The following OSBPL1A variants were observed in gnomAD, a reference collection of about 807,000 sequenced individuals.
OSBPL1A encodes oxysterol-binding protein-related protein 1.
A neutral mutation model predicts 137.1 loss-of-function variants in OSBPL1A; 80 were observed. The ratio of observed to expected loss-of-function variants is 0.58; its 90% CI spans 0.49 to 0.70. The LOEUF (loss-of-function observed/expected upper bound fraction) is 0.70. Ranked by LOEUF, OSBPL1A falls within the 30% of genes least tolerant of loss-of-function variation. The pLI is 0.00. For synonymous variants in OSBPL1A, 365 were observed against 389.7 expected, an observed-to-expected ratio of 0.94 and a Z score of 0.75; for missense variants, 970 against 1,129.4, an observed-to-expected ratio of 0.86 and a Z score of 2.02.
At chr18:24,383,666 A>G (rs922188896) in intron 1 of OSBPL1A, among the ~76,000 whole-genome samples, 1 of 152,244 alleles carries the variant, frequency 6.6e-6, no homozygotes, top group Non-Finnish European at 1.5e-5. Context: ...AGGCAAGAGA[A>G]TTGCTTGAAC....
At chr18:24,207,821 C>T (rs1363533285) in intron 17 of OSBPL1A, among the ~76,000 whole-genome samples, 2 of 152,186 alleles carry the variant, frequency 1.3e-5, no homozygotes, top group Non-Finnish European at 1.5e-5. Flanking sequence ...TCTTGGCTCA[C>T]TGCATCCTCT....
intron 15 of OSBPL1A, among the ~76,000 whole-genome samples, chr18:24,254,688 A>G (rs113193785): frequency 1.3e-5 from 2 of 152,336 alleles, no homozygotes; most frequent in African/African-American, 4.8e-5. Context: ...AAGCAGTACT[A>G]AGAGAGAAAT....
At chr18:24,168,277 G>A (rs564650238) in intron 24 of OSBPL1A, among the ~76,000 whole-genome samples, 1 of 152,078 alleles carries the variant, frequency 6.6e-6, no homozygotes, top group African/African-American at 2.4e-5. Flanking sequence ...CAGCAACTGG[G>A]GTGCTAGAGA....
Position 24,311,189 on chromosome 18 carries a change from T to C in OSBPL1A, c.1092+795A>G, listed in dbSNP as rs74483208. On this transcript the variant is annotated intron_variant, in intron 13 of 27. Transcript: ENST00000319481. ...AGGTCCCTAAGTTGATAAAACTCCA[T>C]AGGTATTGGGGAATTTAACTTCATT... 4.5e-3 allele frequency among the ~76,000 whole-genome samples: 691 copies of C among 152,328 alleles called. 2 individuals are homozygous for C. Among genetic ancestry groups the C allele is most frequent in the African/African-American group, 0.016 (646 of 41,568 alleles).
At chr18:24,346,850 C>T (rs916934673) in intron 4 of OSBPL1A, among the ~76,000 whole-genome samples, 1 of 151,846 alleles carries the variant, frequency 6.6e-6, no homozygotes, top group Admixed American at 6.6e-5. Context: ...AGAGATCTTC[C>T]AACCTCAGCC....
At chr18:24,395,796 A>G (rs1268921473) in intron 1 of OSBPL1A, among the ~76,000 whole-genome samples, 5 of 151,050 alleles carry the variant, frequency 3.3e-5, no homozygotes, top group African/African-American at 9.7e-5. Context: ...TAATTTTTGT[A>G]TTTTTAGTAG....
rs113583600 is a variant in OSBPL1A at position 24,253,174 on chromosome 18, G to T, written c.1282-13792C>A. Among the ~76,000 whole-genome samples, 10 of 131,886 alleles carry T rather than the reference G, an allele frequency of 7.6e-5. 1 individual carries two copies. The South Asian group carries it at 1.4e-3, about 19-fold the overall frequency. The allele number at this position is 131,886 out of a possible 152,430, so 86.5% of individuals were successfully genotyped here. On this transcript the variant is annotated intron_variant, in intron 15 of 27. Transcript: ENST00000319481. ...TCCAATGAAAAGACATGGCGGGGGG[G>T]GGCGCTGAATGGATGAAAAAAACAA...
intron 14 of OSBPL1A, among the ~76,000 whole-genome samples, chr18:24,293,104 CAAAAAAAAAAAAAAAAA>C (rs1172730345): frequency 3.0e-5 from 2 of 66,386 alleles, no homozygotes; most frequent in South Asian, 1.5e-3. Flanking sequence ...ACTCCCGTCT[CAAAAAAAAAAAAAAAAA>C]AAAAAAAGAA....
At chr18:24,278,396 A>G (rs2089891470) in intron 15 of OSBPL1A, among the ~76,000 whole-genome samples, 1 of 152,206 alleles carries the variant, frequency 6.6e-6, no homozygotes, top group African/African-American at 2.4e-5. Context: ...AGATCTTACA[A>G]TAACTGTTAA....
At chr18:24,169,356 A>G (rs2086217664) in intron 24 of OSBPL1A, among the ~76,000 whole-genome samples, 1 of 152,194 alleles carries the variant, frequency 6.6e-6, no homozygotes. Context: ...AGAGCCCCAG[A>G]GACTGGTCTT....
At chr18:24,216,763 T>G (rs1327549860) in intron 17 of OSBPL1A, among the ~76,000 whole-genome samples, 2 of 152,184 alleles carry the variant, frequency 1.3e-5, no homozygotes, top group Non-Finnish European at 2.9e-5. Flanking sequence ...GGTTATTTTT[T>G]TTTTTAAAGG....
At chr18:24,220,053 C>G (rs2087836539) in intron 17 of OSBPL1A, among the ~76,000 whole-genome samples, 1 of 152,174 alleles carries the variant, frequency 6.6e-6, no homozygotes, top group Non-Finnish European at 1.5e-5. Context: ...AGATGGATGT[C>G]ACACGTAATG....
At position 24,304,061 on chromosome 18, in the gene OSBPL1A, T is replaced by C. The variant is rs1338516503; in HGVS notation, c.1093-343A>G. Among the ~76,000 whole-genome samples the C allele has an allele frequency of 2.6e-5, 4 of 152,168 alleles. No homozygotes were observed. The East Asian group carries it at 7.7e-4, about 29-fold the overall frequency. On this transcript the variant is annotated intron_variant, in intron 13 of 27. Coordinates refer to ENST00000319481, the MANE Select transcript of OSBPL1A (RefSeq NM_080597.4). ...TTATTAGCACTTTTAGTAGGCCTCATGAAATTCATCAAGAAATTATAAAAT... is the reference window on the plus strand; with the variant it reads ...TTATTAGCACTTTTAGTAGGCCTCACGAAATTCATCAAGAAATTATAAAAT...
chr18:24,327,426 T>C (rs530381022), intron 7 of OSBPL1A, among the ~76,000 whole-genome samples: 27 of 152,192 alleles, frequency 1.8e-4, no homozygotes, highest in African/African-American at 6.0e-4. Flanking sequence ...TTTTTACTTT[T>C]TAAGATGGCG....
At chr18:24,224,348 T>C (rs1268795386) in intron 17 of OSBPL1A, among the ~76,000 whole-genome samples, 3 of 152,202 alleles carry the variant, frequency 2.0e-5, no homozygotes, top group African/African-American at 7.2e-5. Context: ...AAAAGTAATT[T>C]TTATAATGAC....
chr18:24,392,208 T>C (rs946669249), intron 1 of OSBPL1A, among the ~76,000 whole-genome samples: 1 of 152,152 alleles, frequency 6.6e-6, no homozygotes, highest in South Asian at 2.1e-4. Flanking sequence ...TTTCCCATGC[T>C]GGAGTGCAAT....
intron 16 of OSBPL1A, among the ~76,000 whole-genome samples, chr18:24,231,862 C>T (rs745781252): frequency 1.1e-4 from 17 of 152,182 alleles, no homozygotes; most frequent in Admixed American, 2.6e-4. Flanking sequence ...TATAAACATG[C>T]CAACAATTCT....
At chr18:24,392,921 C>T (rs1401365071) in intron 1 of OSBPL1A, among the ~76,000 whole-genome samples, 1 of 152,094 alleles carries the variant, frequency 6.6e-6, no homozygotes, top group Non-Finnish European at 1.5e-5. Context: ...GAACTCCTGG[C>T]CTTAAGGAAT....
At chr18:24,380,586 C>T (rs1005142721) in intron 1 of OSBPL1A, among the ~76,000 whole-genome samples, 2 of 152,326 alleles carry the variant, frequency 1.3e-5, no homozygotes, top group African/African-American at 4.8e-5. Context: ...TATAGCCCTA[C>T]CAAGCCACCA....
Sources: gnomAD v4.1 joint callset for allele counts (sites outside exome capture counted in the v4.1 genomes callset) on GRCh38, gnomAD v4.1.1 for gene constraint, MANE v1.5 for transcripts, NCBI Gene and HGNC (gene_info 2026-07-23, HGNC 2026-07-21) for gene names.